Variants in AK5 observed in about 807,000 individuals in gnomAD.
The protein encoded by AK5 is adenylate kinase isoenzyme 5.
AK5 carries 27 observed loss-of-function variants against 69.5 expected under a neutral mutation model. The observed-to-expected ratio is 0.39, with a 90% CI of 0.29 to 0.54. The LOEUF (loss-of-function observed/expected upper bound fraction) is 0.54. AK5 is among the 20% of genes least tolerant of loss of function. The probability of loss-of-function intolerance (pLI) is 0.71; values close to 1 mark genes in which losing one functional copy is unlikely to be tolerated. For missense variants in AK5, 531 were observed against 700.4 expected (o/e 0.76, Z 2.73); for synonymous variants, 260 against 244.4 (o/e 1.06, Z -0.60).
intron 3 of AK5, among the ~76,000 whole-genome samples, chr1:77,294,651 C>T (rs557388446): frequency 4.7e-4 from 72 of 151,968 alleles, no homozygotes; most frequent in Admixed American, 2.0e-3. Context: ...TGAGTATTAA[C>T]CAAAATAACA....
At position 77,529,364 on chromosome 1, in the gene AK5, T is replaced by A. The variant is rs1658454160; in HGVS notation, c.1429-6483T>A. Among the ~76,000 whole-genome samples the A allele has an allele frequency of 2.0e-5, 3 of 150,960 alleles. No individual in the cohort carries two copies. In the East Asian group the frequency reaches 5.8e-4, roughly 29 times the overall value. ...TTTTTTTTTTTTTGAGACGGAGTCT[T>A]GCTCTGTCCCACAGGCTGGAGTGCA... On this transcript the variant is annotated intron_variant, in intron 12 of 13. Coordinates refer to ENST00000354567, the MANE Select transcript of AK5 (RefSeq NM_174858.3).
intron 13 of AK5, among the ~76,000 whole-genome samples, chr1:77,549,345 A>G (rs930006209): frequency 2.6e-4 from 39 of 152,060 alleles, no homozygotes; most frequent in Non-Finnish European, 8.8e-5. Flanking sequence ...GTATATATTT[A>G]TGGGGTACGT....
intron 5 of AK5, among the ~76,000 whole-genome samples, chr1:77,339,642 ATCTT>A (rs1661546044): frequency 8.1e-6 from 1 of 124,016 alleles, no homozygotes. Flanking sequence ...ATTTAGCAAT[ATCTT>A]TTTTTTTTTT....
chr1:77,352,196 G>A (rs1354916422), intron 6 of AK5, among the ~76,000 whole-genome samples: 1 of 152,084 alleles, frequency 6.6e-6, no homozygotes, highest in Non-Finnish European at 1.5e-5. Flanking sequence ...CCAAAGTGCT[G>A]GAATTAAAGG....
At chr1:77,433,657 C>T (rs573902718) in intron 8 of AK5, among the ~76,000 whole-genome samples, 1 of 152,168 alleles carries the variant, frequency 6.6e-6, no homozygotes, top group East Asian at 1.9e-4. Flanking sequence ...CATTTTTGTT[C>T]ACAAATGTTT....
At chr1:77,377,160 C>T (rs911348491) in intron 6 of AK5, among the ~76,000 whole-genome samples, 2 of 152,156 alleles carry the variant, frequency 1.3e-5, no homozygotes, top group South Asian at 2.1e-4. Flanking sequence ...TCTTGTCATA[C>T]TCTTTATGGA....
chr1:77,500,630 A>T (rs1338476633), intron 10 of AK5, among the ~76,000 whole-genome samples: 2 of 152,222 alleles, frequency 1.3e-5, no homozygotes, highest in Non-Finnish European at 2.9e-5. Context: ...TAAAAATATT[A>T]AAAAATTAGC....
intron 5 of AK5, among the ~76,000 whole-genome samples, chr1:77,328,455 G>T (rs113073525): frequency 6.6e-6 from 1 of 151,310 alleles, no homozygotes; most frequent in South Asian, 2.1e-4. Flanking sequence ...AGCCGAGATC[G>T]CACCGTTGCA....
At chr1:77,508,950 T>C (rs747145761) in intron 10 of AK5, among the ~76,000 whole-genome samples, 1 of 151,956 alleles carries the variant, frequency 6.6e-6, no homozygotes, top group African/African-American at 2.4e-5. Context: ...AGCTGGGATA[T>C]TTAAGAAAGT....
intron 13 of AK5, among the ~76,000 whole-genome samples, chr1:77,536,549 A>G (rs1007948186): frequency 6.6e-6 from 1 of 152,244 alleles, no homozygotes; most frequent in Admixed American, 6.5e-5. Flanking sequence ...CATATAGACC[A>G]TAAAAAGGTG....
chr1:77,297,852 A>C lies in AK5; in HGVS notation c.604A>C (p.Ile202Leu). Residue 202 changes from isoleucine to leucine, a missense_variant, in exon 5 of 14, where the codon ATA (isoleucine) becomes CTA (leucine). By Grantham distance (5) the Ile-to-Leu change is conservative. Coordinates refer to ENST00000354567, the MANE Select transcript of AK5 (RefSeq NM_174858.3). ...LAPQETTITE[I>L]KQKLMQIPDE... ...ATAAAAGGAAACAACAATTACAGAGATAAAACAAAAATTGATGCAAATACC... is the reference window on the plus strand; with the variant it reads ...ATAAAAGGAAACAACAATTACAGAGCTAAAACAAAAATTGATGCAAATACC... 1 of 1,611,720 alleles carries C rather than the reference A, an allele frequency of 6.2e-7. No homozygotes were observed. Among genetic ancestry groups the C allele is most frequent in the Non-Finnish European group, 8.5e-7 (1 of 1,179,404 alleles).
intron 6 of AK5, among the ~76,000 whole-genome samples, chr1:77,353,725 T>C (rs898681352): frequency 3.9e-5 from 6 of 152,134 alleles, no homozygotes; most frequent in African/African-American, 1.4e-4. Context: ...CCCTTGTCTG[T>C]GTTTTTGCCT....
At chr1:77,292,726 C>T (rs1024153118) in intron 2 of AK5, among the ~76,000 whole-genome samples, 1 of 152,096 alleles carries the variant, frequency 6.6e-6, no homozygotes, top group African/African-American at 2.4e-5. Context: ...TGTACTGTTC[C>T]CACCAACTGT....
At chr1:77,496,820 C>G (rs2088519) in intron 10 of AK5, among the ~76,000 whole-genome samples, 3,425 of 152,228 alleles carry the variant, frequency 0.022, 103 homozygotes, top group African/African-American at 0.079. Context: ...ATGCACCAAT[C>G]GGCATTCTGT....
intron 5 of AK5, among the ~76,000 whole-genome samples, chr1:77,324,696 A>AG (rs1002085740): frequency 5.9e-5 from 7 of 119,274 alleles, no homozygotes; most frequent in East Asian, 2.4e-4. Context: ...AGATCTTTAT[A>AG]GGGAAAAAAA....
chr1:77,557,228 A>AT (rs142163047), intron 13 of AK5: 4,281 of 154,454 alleles, frequency 0.028, 97 homozygotes, highest in African/African-American at 0.06. Flanking sequence ...ATTTATTATT[A>AT]TTTTTTTTTG....
chr1:77,522,018 C>A, intron 12 of AK5, 75 bp downstream of exon 12: 2 of 1,147,868 alleles, frequency 1.7e-6, no homozygotes, highest in Non-Finnish European at 1.2e-6. Context: ...AATTCAAAGT[C>A]TATTTCTTTC....
intron 8 of AK5, among the ~76,000 whole-genome samples, chr1:77,432,625 A>G (rs553277755): frequency 3.9e-5 from 6 of 152,350 alleles, no homozygotes; most frequent in Admixed American, 1.3e-4. Flanking sequence ...GCAAATGACC[A>G]TTGAGAATTA....
At chr1:77,333,649 C>A (rs1661205767) in intron 5 of AK5, among the ~76,000 whole-genome samples, 1 of 151,802 alleles carries the variant, frequency 6.6e-6, no homozygotes, top group Non-Finnish European at 1.5e-5. Context: ...GTCCTACTGG[C>A]TGCCTGTCCT....
Sources: gnomAD v4.1 joint callset for allele counts (sites outside exome capture counted in the v4.1 genomes callset) on GRCh38, gnomAD v4.1.1 for gene constraint, MANE v1.5 for transcripts, NCBI Gene and HGNC (gene_info 2026-07-23, HGNC 2026-07-21) for gene names.